The following ATP2B2 variants were observed in gnomAD, a reference collection of about 807,000 sequenced individuals.
ATP2B2 encodes the protein plasma membrane calcium-transporting ATPase 2.
Under a neutral mutation model 120.0 loss-of-function variants are expected in ATP2B2, and 15 were observed. The ratio of observed to expected loss-of-function variants is 0.12; its 90% confidence interval spans 0.08 to 0.19. The LOEUF (loss-of-function observed/expected upper bound fraction) is 0.19, where lower values mean the gene tolerates loss of function less well. Among genes scored for constraint, ATP2B2 ranks in the 10% least tolerant of loss-of-function variants. The pLI, the probability that ATP2B2 is intolerant of heterozygous loss-of-function variation, is 1.00. For synonymous variants in ATP2B2, 694 were observed against 700.3 expected, an observed-to-expected ratio of 0.99 and a Z score of 0.14; for missense variants, 1,045 against 1,719.8, an observed-to-expected ratio of 0.61 and a Z score of 6.94.
chr3:10,593,553 A>G (rs2068693625), intron 2 of ATP2B2, among the ~76,000 whole-genome samples: 1 of 152,222 alleles, frequency 6.6e-6, no homozygotes, highest in Admixed American at 6.5e-5. Context: ...CACCTTATAC[A>G]AAAATTAATT....
At chr3:10,639,531 C>T (rs2070114434) in intron 1 of ATP2B2, among the ~76,000 whole-genome samples, 1 of 152,154 alleles carries the variant, frequency 6.6e-6, no homozygotes, top group African/African-American at 2.4e-5. Context: ...GAGGGCTTCT[C>T]CCTCAAGACC....
intron 2 of ATP2B2, among the ~76,000 whole-genome samples, chr3:10,433,582 G>A (rs1353210194): frequency 6.6e-6 from 1 of 152,174 alleles, no homozygotes; most frequent in African/African-American, 2.4e-5. Flanking sequence ...GAGGTAAAAA[G>A]TGTGTGTCCC....
At chr3:10,696,974 G>A (rs1440944399) in intron 1 of ATP2B2, among the ~76,000 whole-genome samples, 1 of 152,168 alleles carries the variant, frequency 6.6e-6, no homozygotes, top group Non-Finnish European at 1.5e-5. Flanking sequence ...GCTTGGTACT[G>A]GAAACATTGA....
intron 1 of ATP2B2, among the ~76,000 whole-genome samples, chr3:10,468,798 C>T (rs963679947): frequency 6.6e-6 from 1 of 152,220 alleles, no homozygotes; most frequent in Non-Finnish European, 1.5e-5. Context: ...CTTCCTCTGC[C>T]ATCTGTCTGC....
chr3:10,606,708 A>G (rs974560868), intron 2 of ATP2B2, among the ~76,000 whole-genome samples: 1 of 151,960 alleles, frequency 6.6e-6, no homozygotes, highest in East Asian at 1.9e-4. Flanking sequence ...AACGGTTTGG[A>G]GCACTAATGT....
chr3:10,620,861 G>T (rs997990585), intron 1 of ATP2B2, among the ~76,000 whole-genome samples: 1 of 152,166 alleles, frequency 6.6e-6, no homozygotes, highest in African/African-American at 2.4e-5. Context: ...CAGCAGGCAG[G>T]ATACCAGTGC....
chr3:10,342,987 C>T lies in ATP2B2; in HGVS notation c.2704-22G>A. ...AGTCCTGGGGACGGGCAGGAGAGGG[C>T]TGTCACCTGTGCGCCCACCTGCTGC... On this transcript the variant is annotated intron_variant, in intron 18 of 22. Transcript: ENST00000360273. This position sits in a 1 kb window ranked among gnomAD's most constrained non-coding sequence, Gnocchi z 4.4. 6.2e-7 allele frequency: 1 copy of T among 1,611,238 alleles called. No individual in the cohort carries two copies. Among genetic ancestry groups the T allele is most frequent in the African/African-American group, 1.3e-5 (1 of 75,000 alleles).
chr3:10,650,463 G>T (rs543041008), intron 1 of ATP2B2, among the ~76,000 whole-genome samples: 21 of 152,276 alleles, frequency 1.4e-4, no homozygotes, highest in Middle Eastern at 3.4e-3. Flanking sequence ...GGAAACAGAG[G>T]ACAAAAGTTT....
At chr3:10,549,585 T>C (rs2067624530) in intron 2 of ATP2B2, among the ~76,000 whole-genome samples, 1 of 152,254 alleles carries the variant, frequency 6.6e-6, no homozygotes, top group African/African-American at 2.4e-5. Context: ...CAGCCAGTGG[T>C]GAAATAAATC....
rs1575261510 is a variant in ATP2B2, at chr3:10,449,686, G to C, written c.-143C>G. 2.0e-6 allele frequency: 2 copies of C among 1,015,572 alleles called. No homozygotes were observed. The highest frequency in any genetic ancestry group is 5.0e-5 in the East Asian group (2 of 40,102). The allele number at this position is 1,015,572 out of a possible 1,614,324, so 62.9% of individuals were successfully genotyped here. A position where few individuals can be genotyped will look rare whatever the true frequency, so the allele number is the denominator to read the frequency against. On this transcript the variant is annotated 5_prime_UTR_variant, in exon 2 of 23. Coordinates refer to ENST00000360273, the MANE Select transcript of ATP2B2 (RefSeq NM_001001331.4). ...GGCGGCCGACTCCGGGTCCCGGGGG[G>C]TGGGGGTGGCCGAGGCGGGCTGGTG...
intron 2 of ATP2B2, among the ~76,000 whole-genome samples, chr3:10,590,509 T>G (rs975908207): frequency 1.3e-5 from 2 of 152,352 alleles, no homozygotes; most frequent in Admixed American, 6.5e-5. Flanking sequence ...GGGCCATTTC[T>G]TCCTCCTGTG....
intron 2 of ATP2B2, among the ~76,000 whole-genome samples, chr3:10,611,415 A>G (rs753160874): frequency 6.6e-6 from 1 of 152,078 alleles, no homozygotes; most frequent in Non-Finnish European, 1.5e-5. Flanking sequence ...TCAGGGATAC[A>G]TCGGTGTCGT....
intron 1 of ATP2B2, among the ~76,000 whole-genome samples, chr3:10,671,782 T>C (rs920777187): frequency 9.9e-5 from 15 of 152,182 alleles, no homozygotes; most frequent in Admixed American, 7.2e-4. Flanking sequence ...AGCCACCTAG[T>C]GTGGGGTGAG....
At chr3:10,443,609 C>T (rs962838287) in intron 2 of ATP2B2, among the ~76,000 whole-genome samples, 18 of 152,208 alleles carry the variant, frequency 1.2e-4, no homozygotes, top group Admixed American at 6.5e-4. Context: ...CAGAGGACAG[C>T]GGAAGTGAAA....
Position 10,340,334 on chromosome 3 carries a change from A to C in ATP2B2, c.3145T>G (p.Phe1049Val). 1 of 1,614,148 alleles carries C rather than the reference A, an allele frequency of 6.2e-7. No homozygotes were observed. Among genetic ancestry groups the C allele is most frequent in the African/African-American group, 1.3e-5 (1 of 75,048 alleles). Residue 1049 changes from phenylalanine to valine, a missense_variant, in exon 21 of 23, where the codon TTT (phenylalanine) becomes GTT (valine). Phe to Val is a conservative substitution (Grantham distance 50). Transcript: ENST00000360273. The surrounding 1 kb of genome is among the most constrained non-coding windows in gnomAD (Gnocchi z 5.0). ...GAGCAGCTGAATGGCTTCCCTCCAA[A>C]CTGCACGATCACTATCTGGAGGTCA... Reference protein sequence around the residue: ...TFAIQIVIVQFGGKPFSCSPL... With the variant: ...TFAIQIVIVQVGGKPFSCSPL...
chr3:10,408,543 A>G (rs2062496139), intron 3 of ATP2B2, among the ~76,000 whole-genome samples: 1 of 152,088 alleles, frequency 6.6e-6, no homozygotes, highest in African/African-American at 2.4e-5. Flanking sequence ...GCTGCCTTGG[A>G]CCAGGGGCGG....
chr3:10,620,527 C>T (rs1015547487), intron 1 of ATP2B2, among the ~76,000 whole-genome samples: 4 of 152,068 alleles, frequency 2.6e-5, no homozygotes, highest in African/African-American at 7.2e-5. Context: ...CCTGGAAGGA[C>T]GGTGCAGCTC....
chr3:10,329,170 A>C lies in ATP2B2; in HGVS notation c.3421-45T>G. ...GTCAGGAGCACTGCCCAGGGACCAC[A>C]GCCAGGCTCGGGGGGCTCACAGGAG... On this transcript the variant is annotated intron_variant, in intron 22 of 22. Coordinates refer to ENST00000360273, the MANE Select transcript of ATP2B2 (RefSeq NM_001001331.4). The surrounding 1 kb of genome is among the most constrained non-coding windows in gnomAD (Gnocchi z 5.9). 5 of 1,312,002 alleles carry C rather than the reference A, an allele frequency of 3.8e-6. No individual in the cohort carries two copies. Among genetic ancestry groups the C allele is most frequent in the Non-Finnish European group, 5.3e-6 (5 of 949,956 alleles). 81.3% of individuals were successfully genotyped at this position (1,312,002 alleles called of 1,614,324 possible).
intron 5 of ATP2B2, among the ~76,000 whole-genome samples, chr3:10,393,541 G>C (rs555418572): frequency 9.2e-5 from 14 of 152,190 alleles, no homozygotes; most frequent in Non-Finnish European, 1.8e-4. Flanking sequence ...GCAGAGCTGG[G>C]ATGGGAGCTG....
Sources: allele counts gnomAD v4.1 joint callset (sites outside exome capture counted in the v4.1 genomes callset), GRCh38; gene constraint gnomAD v4.1.1; non-coding constraint Gnocchi (gnomAD v3.1); transcripts MANE v1.5; gene names NCBI Gene and HGNC (gene_info 2026-07-23, HGNC 2026-07-21).